PCDH11Y: variants seen among roughly 807,000 people sequenced by gnomAD.
The protein encoded by PCDH11Y is protocadherin 11 Y-linked.
For synonymous variants in PCDH11Y, 9 were observed against 83.6 expected (o/e 0.11, Z 4.87); for missense variants, 12 against 224.8 (o/e 0.05, Z 6.05).
At chrY:5,214,203 T>C (rs2052943218) in intron 2 of PCDH11Y, among the ~76,000 whole-genome samples, 1 of 32,762 alleles carries the variant, frequency 3.1e-5, no homozygotes. Flanking sequence ...ATGTGGGAGG[T>C]AGTGGCATGA....
At chrY:5,122,942 C>T (rs2052820284) in intron 2 of PCDH11Y, among the ~76,000 whole-genome samples, 1 of 33,087 alleles carries the variant, frequency 3.0e-5, no homozygotes, top group Non-Finnish European at 7.4e-5. Context: ...TTCCATAAAA[C>T]CACGGGTTTT....
intron 4 of PCDH11Y, among the ~76,000 whole-genome samples, chrY:5,666,201 T>G: frequency 3.0e-5 from 1 of 33,194 alleles, no homozygotes; most frequent in African/African-American, 1.2e-4. Context: ...AGTATCTTAT[T>G]GACCTCCTTG....
At chrY:5,263,599 C>T in intron 2 of PCDH11Y, among the ~76,000 whole-genome samples, 1 of 33,612 alleles carries the variant, frequency 3.0e-5, no homozygotes, top group African/African-American at 1.2e-4. Flanking sequence ...CTAAAAGAGA[C>T]TTGAACCCCA....
intron 2 of PCDH11Y, among the ~76,000 whole-genome samples, chrY:5,398,090 T>G (rs2053229220): frequency 3.0e-5 from 1 of 33,701 alleles, no homozygotes; most frequent in Non-Finnish European, 7.3e-5. Flanking sequence ...AAATATAGAT[T>G]TCCTTGTATG....
chrY:5,264,247 C>G, intron 2 of PCDH11Y, among the ~76,000 whole-genome samples: 1 of 33,601 alleles, frequency 3.0e-5, no homozygotes, highest in South Asian at 6.6e-4. Flanking sequence ...CTTAGGGACC[C>G]CAAGAGCCTG....
chrY:5,198,299 C>T (rs2052923281), intron 2 of PCDH11Y, among the ~76,000 whole-genome samples: 2 of 28,024 alleles, frequency 7.1e-5, no homozygotes, highest in Non-Finnish European at 1.7e-4. Flanking sequence ...AGGTGCCCGC[C>T]ACCATGCCTG....
At chrY:5,220,710 CTTTTTTTTTTTT>C (rs2052953263) in intron 2 of PCDH11Y, among the ~76,000 whole-genome samples, 1 of 11,129 alleles carries the variant, frequency 9.0e-5, no homozygotes, top group Non-Finnish European at 1.9e-4. Flanking sequence ...AACACCTGGC[CTTTTTTTTTTTT>C]TTTTTTTTTT....
chrY:5,601,229 A>T (rs373504604), intron 4 of PCDH11Y, among the ~76,000 whole-genome samples: 287 of 31,515 alleles, frequency 9.1e-3, no homozygotes, highest in South Asian at 0.037. Context: ...TAGCATAATG[A>T]TATCTTTTGT....
At chrY:5,155,943 G>A in intron 2 of PCDH11Y, among the ~76,000 whole-genome samples, 4 of 21,191 alleles carry the variant, frequency 1.9e-4, no homozygotes, top group Non-Finnish European at 3.2e-4. Context: ...TAAAGATAAA[G>A]TGGAGAAACA....
At chrY:5,323,878 G>C (rs2124666114) in intron 2 of PCDH11Y, among the ~76,000 whole-genome samples, 7 of 32,143 alleles carry the variant, frequency 2.2e-4, no homozygotes, top group African/African-American at 8.5e-4. Context: ...AGAAATTAAT[G>C]ACAAAAGTTT....
chrY:5,531,772 T>A (rs2124691551), intron 3 of PCDH11Y, among the ~76,000 whole-genome samples: 1 of 29,755 alleles, frequency 3.4e-5, no homozygotes, highest in South Asian at 7.9e-4. Context: ...TAGATAGACA[T>A]GGTCTTGCTC....
chrY:5,046,760 C>A, intron 3 of PCDH11Y, among the ~76,000 whole-genome samples: 3 of 33,000 alleles, frequency 9.1e-5, no homozygotes, highest in Admixed American at 2.7e-4. Context: ...TAGCAATCAG[C>A]GAGACTCCGT....
chrY:5,677,800 A>G, intron 4 of PCDH11Y, among the ~76,000 whole-genome samples: 6 of 32,852 alleles, frequency 1.8e-4, no homozygotes. Flanking sequence ...CTAAGGAGAT[A>G]AGATCAATTC....
At chrY:5,055,734 A>G, upstream of PCDH11Y, among the ~76,000 whole-genome samples, 1 of 32,934 alleles carries the variant, frequency 3.0e-5, no homozygotes. Context: ...GAAAATCAAA[A>G]TCCCTCATTG....
At chrY:5,237,944 C>G in intron 2 of PCDH11Y, among the ~76,000 whole-genome samples, 1 of 33,241 alleles carries the variant, frequency 3.0e-5, no homozygotes, top group Non-Finnish European at 7.4e-5. Flanking sequence ...AATGGAAGAA[C>G]TTTCCATGCT....
intron 2 of PCDH11Y, among the ~76,000 whole-genome samples, chrY:5,232,459 G>A: frequency 3.1e-5 from 1 of 31,781 alleles, no homozygotes; most frequent in African/African-American, 1.2e-4. Flanking sequence ...TTCTGGCCCA[G>A]GGTGTGTCTA....
intron 1 of PCDH11Y, among the ~76,000 whole-genome samples, chrY:5,067,027 T>C: frequency 9.0e-5 from 3 of 33,404 alleles, no homozygotes; most frequent in African/African-American, 3.5e-4. Context: ...TGGAAAATCA[T>C]TGGCTGGCTT....
In PCDH11Y at chrY:5,279,138, C is replaced by T. The variant is rs1602898545; in HGVS notation, c.3129+178431C>T. On this transcript the variant is annotated intron_variant, in intron 2 of 4. Transcript: ENST00000400457. ...AGTGTGTGCCTGGCACGGTGGCTCA[C>T]GCCTGTAATCTCAGCACTTTGGGAG... Among the ~76,000 whole-genome samples the T allele has an allele frequency of 5.3e-4, 17 of 32,324 alleles. No homozygotes were observed. In the East Asian group the frequency reaches 9.9e-3, roughly 19 times the overall value. The allele number at this position is 32,324 out of a possible 37,273, so 86.7% of individuals were successfully genotyped here.
chrY:5,444,483 G>A, intron 2 of PCDH11Y, among the ~76,000 whole-genome samples: 1 of 32,693 alleles, frequency 3.1e-5, no homozygotes, highest in Non-Finnish European at 7.6e-5. Flanking sequence ...ACATTAAAAC[G>A]TGCACATTAC....
Sources: gnomAD v4.1 joint callset for allele counts (sites outside exome capture counted in the v4.1 genomes callset) on GRCh38, gnomAD v4.1.1 for gene constraint, MANE v1.5 for transcripts, NCBI Gene and HGNC (gene_info 2026-07-23, HGNC 2026-07-21) for gene names.